Variants in MAP2 observed in about 807,000 individuals in gnomAD.
MAP2 encodes microtubule associated protein 2.
In MAP2, 14 loss-of-function variants were observed where a neutral mutation model predicts 137.6. The observed-to-expected ratio is 0.10, with a 90% CI of 0.07 to 0.16. The LOEUF is 0.16. MAP2 is among the 10% of genes least tolerant of loss of function. MAP2 has a pLI of 1.00. For missense variants in MAP2, 2,088 were observed against 2,191.5 expected (o/e 0.95, Z 0.94); for synonymous variants, 786 against 782.3 (o/e 1.00, Z -0.08).
chr2:209,560,991 A>T (rs564030260), intron 2 of MAP2, among the ~76,000 whole-genome samples: 2 of 152,280 alleles, frequency 1.3e-5, no homozygotes, highest in East Asian at 3.9e-4. Flanking sequence ...AAGGAAAGCA[A>T]AACAGCCCAG....
At chr2:209,591,231 T>G (rs2079148678) in intron 3 of MAP2, among the ~76,000 whole-genome samples, 1 of 152,184 alleles carries the variant, frequency 6.6e-6, no homozygotes, top group Non-Finnish European at 1.5e-5. Context: ...TGTGGGCCCC[T>G]CTGCCGGAAG....
intron 2 of MAP2, among the ~76,000 whole-genome samples, chr2:209,536,620 G>A (rs547473672): frequency 1.3e-5 from 2 of 152,290 alleles, no homozygotes; most frequent in Admixed American, 1.3e-4. Context: ...GTGAACAGAA[G>A]CCTTGTCTGT....
intron 1 of MAP2, among the ~76,000 whole-genome samples, chr2:209,461,712 G>A (rs1702862731): frequency 6.6e-6 from 1 of 152,182 alleles, no homozygotes; most frequent in African/African-American, 2.4e-5. Flanking sequence ...GCCTCCCAAA[G>A]TGCTGGGATG....
At chr2:209,651,779 T>G (rs1005365870) in intron 4 of MAP2, among the ~76,000 whole-genome samples, 1 of 152,168 alleles carries the variant, frequency 6.6e-6, no homozygotes, top group Non-Finnish European at 1.5e-5. Context: ...TTAAATGAAT[T>G]AACTCATCTA....
At chr2:209,673,552 C>T (rs1337523896) in intron 5 of MAP2, among the ~76,000 whole-genome samples, 2 of 151,686 alleles carry the variant, frequency 1.3e-5, no homozygotes, top group Non-Finnish European at 3.0e-5. Flanking sequence ...CTAACATAAA[C>T]TAAAAAATGT....
At chr2:209,593,920 T>TTTATATA (rs2080442915) in intron 3 of MAP2, among the ~76,000 whole-genome samples, 5 of 41,038 alleles carry the variant, frequency 1.2e-4, no homozygotes, top group Non-Finnish European at 2.5e-4. Flanking sequence ...ATATTTATAT[T>TTTATATA]ATTAAAATAT....
chr2:209,562,658 C>T (rs1187482608), intron 2 of MAP2, among the ~76,000 whole-genome samples: 1 of 151,952 alleles, frequency 6.6e-6, no homozygotes, highest in East Asian at 1.9e-4. Flanking sequence ...GATTGCGCCA[C>T]CACACCCCAG....
intron 4 of MAP2, among the ~76,000 whole-genome samples, chr2:209,652,095 TG>T (rs1283173988): frequency 2.0e-5 from 3 of 152,166 alleles, no homozygotes; most frequent in Non-Finnish European, 2.9e-5. Flanking sequence ...TAAGGCTGCA[TG>T]GTGGGCAACA....
chr2:209,457,281 A>G (rs1023971878), intron 1 of MAP2, among the ~76,000 whole-genome samples: 2 of 152,074 alleles, frequency 1.3e-5, no homozygotes, highest in Admixed American at 1.3e-4. Context: ...CTGCACTTTC[A>G]CTGGGTCTGG....
At chr2:209,676,837 G>A (rs2051999741) in intron 5 of MAP2, among the ~76,000 whole-genome samples, 1 of 143,744 alleles carries the variant, frequency 7.0e-6, no homozygotes, top group Non-Finnish European at 1.5e-5. Context: ...AAATCACTGG[G>A]GTGCTAGAAG....
At chr2:209,679,905 C>G (rs2153686938) in intron 6 of MAP2, among the ~76,000 whole-genome samples, 1 of 152,126 alleles carries the variant, frequency 6.6e-6, no homozygotes, top group South Asian at 2.1e-4. Flanking sequence ...CCAAATCTGC[C>G]TCTAATAACT....
intron 11 of MAP2, 125 bp from the exon 12 acceptor site, chr2:209,705,455 A>C (rs2063129076): frequency 1.5e-6 from 1 of 648,110 alleles, no homozygotes; most frequent in Admixed American, 3.5e-5. Flanking sequence ...AATATATGAA[A>C]TCCAGTAGTT....
intron 2 of MAP2, among the ~76,000 whole-genome samples, chr2:209,542,756 T>G (rs2067280893): frequency 6.6e-6 from 1 of 152,226 alleles, no homozygotes; most frequent in South Asian, 2.1e-4. Context: ...CTGCAGCTTC[T>G]TTACCTCTCT....
At chr2:209,498,889 C>A (rs1023935119) in intron 1 of MAP2, among the ~76,000 whole-genome samples, 2 of 152,194 alleles carry the variant, frequency 1.3e-5, no homozygotes, top group African/African-American at 4.8e-5. Context: ...CCATGAAGGT[C>A]TCTGAAATGC....
chr2:209,514,090 C>A (rs778708031), intron 2 of MAP2, among the ~76,000 whole-genome samples: 2 of 152,018 alleles, frequency 1.3e-5, no homozygotes, highest in Non-Finnish European at 2.9e-5. Context: ...AAGTAGTAAA[C>A]AAATAATTGG....
At chr2:209,707,947 C>A (rs1361161579) in intron 12 of MAP2, among the ~76,000 whole-genome samples, 1 of 151,972 alleles carries the variant, frequency 6.6e-6, no homozygotes, top group Non-Finnish European at 1.5e-5. Flanking sequence ...GTCAAAAAAC[C>A]CCTCAGCACA....
In MAP2 at chr2:209,501,547, G is replaced by A. The variant is rs1391348280; in HGVS notation, c.-221-6045G>A. Among the ~76,000 whole-genome samples the A allele has an allele frequency of 5.9e-5, 9 of 152,188 alleles. No homozygotes were observed. The East Asian group carries it at 1.7e-3, about 29-fold the overall frequency. ...TTTTAGGTGAGGAGAAAGAGACAGA[G>A]GATGGAGAATTGGTGCTTTTAGTAT... is the stretch of plus-strand genomic sequence containing the variant. On this transcript the variant is annotated intron_variant, in intron 1 of 15. Transcript: ENST00000682079.
chr2:209,656,853 G>A (rs1238751023), intron 5 of MAP2, among the ~76,000 whole-genome samples: 1 of 152,072 alleles, frequency 6.6e-6, no homozygotes, highest in East Asian at 1.9e-4. Context: ...GTGAAGTCTG[G>A]GCTTTGAGTG....
intron 4 of MAP2, among the ~76,000 whole-genome samples, chr2:209,648,621 C>CAAAAAAAAAAA (rs1228232293): frequency 1.6e-4 from 8 of 50,996 alleles, no homozygotes; most frequent in African/African-American, 3.4e-4. Flanking sequence ...ACTAAAAATA[C>CAAAAAAAAAAA]AAAAAAAAAA....
Sources: gnomAD v4.1 joint callset for allele counts (sites outside exome capture counted in the v4.1 genomes callset) on GRCh38, gnomAD v4.1.1 for gene constraint, MANE v1.5 for transcripts, NCBI Gene and HGNC (gene_info 2026-07-23, HGNC 2026-07-21) for gene names.